Variants in CDK14 observed in about 807,000 individuals in gnomAD.
The protein encoded by CDK14 is cyclin-dependent kinase 14.
Under a neutral mutation model 60.7 loss-of-function variants are expected in CDK14, and 34 were observed. The ratio of observed to expected loss-of-function variants is 0.56; its 90% confidence interval spans 0.43 to 0.75. The LOEUF is 0.75. CDK14 is among the 30% of genes least tolerant of loss of function. CDK14 has a pLI of 0.00. For synonymous variants in CDK14, 197 were observed against 203.7 expected, an observed-to-expected ratio of 0.97 and a Z score of 0.28; for missense variants, 482 against 564.1, an observed-to-expected ratio of 0.85 and a Z score of 1.47.
intron 14 of CDK14, among the ~76,000 whole-genome samples, chr7:91,176,598 T>C (rs1371046031): frequency 6.6e-6 from 1 of 151,812 alleles, no homozygotes; most frequent in Non-Finnish European, 1.5e-5. Flanking sequence ...AAGAATCAAA[T>C]AGACACAATA....
chr7:91,079,895 T>TA, intron 12 of CDK14, among the ~76,000 whole-genome samples: 1 of 152,368 alleles, frequency 6.6e-6, no homozygotes, highest in East Asian at 1.9e-4. Context: ...ATTTTTCCCT[T>TA]ACGCCTTATT....
chr7:91,099,711 G>A (rs1451613280), intron 12 of CDK14, among the ~76,000 whole-genome samples: 1 of 152,124 alleles, frequency 6.6e-6, no homozygotes, highest in Non-Finnish European at 1.5e-5. Context: ...AGTTGGAAAG[G>A]TTGTGAGTTA....
intron 14 of CDK14, among the ~76,000 whole-genome samples, chr7:91,196,600 G>A (rs1374458296): frequency 6.6e-6 from 1 of 152,192 alleles, no homozygotes; most frequent in Non-Finnish European, 1.5e-5. Flanking sequence ...TCTCCTCCAT[G>A]CCACACTGCA....
chr7:90,904,733 G>T (rs1584108121), intron 7 of CDK14, among the ~76,000 whole-genome samples: 1 of 152,118 alleles, frequency 6.6e-6, no homozygotes, highest in Non-Finnish European at 1.5e-5. Flanking sequence ...TTAATGCCTA[G>T]ATCATTTAAA....
chr7:90,754,333 A>G (rs1168568268), intron 4 of CDK14, among the ~76,000 whole-genome samples: 1 of 152,196 alleles, frequency 6.6e-6, no homozygotes, highest in Non-Finnish European at 1.5e-5. Flanking sequence ...CCACACACCT[A>G]CAGCCACCTG....
chr7:90,616,419 T>C (rs1470571097), intron 2 of CDK14, among the ~76,000 whole-genome samples: 1 of 152,204 alleles, frequency 6.6e-6, no homozygotes, highest in African/African-American at 2.4e-5. Flanking sequence ...GCTCTCTTTG[T>C]ATTGTCTTCA....
chr7:90,913,216 A>T (rs1392615772), intron 7 of CDK14, among the ~76,000 whole-genome samples: 2 of 152,212 alleles, frequency 1.3e-5, no homozygotes, highest in Non-Finnish European at 2.9e-5. Context: ...GGACTTGCCT[A>T]TTTGTCTAGA....
chr7:90,721,398 C>G (rs1434431175), intron 2 of CDK14, among the ~76,000 whole-genome samples: 1 of 152,164 alleles, frequency 6.6e-6, no homozygotes, highest in African/African-American at 2.4e-5. Context: ...ATAATGAACT[C>G]ATGGTCTTTC....
intron 8 of CDK14, among the ~76,000 whole-genome samples, chr7:90,944,471 G>T (rs1794039401): frequency 1.3e-5 from 2 of 152,226 alleles, no homozygotes; most frequent in Admixed American, 1.3e-4. Context: ...AGTGCCCCAC[G>T]CCTGTAATCT....
At chr7:90,635,350 A>G (rs890938242) in intron 2 of CDK14, among the ~76,000 whole-genome samples, 2 of 152,210 alleles carry the variant, frequency 1.3e-5, no homozygotes, top group African/African-American at 2.4e-5. Context: ...CTTTCTACAG[A>G]TGGCTAGCCA....
chr7:90,727,743 C>T (rs902257036), intron 3 of CDK14, among the ~76,000 whole-genome samples: 1 of 152,100 alleles, frequency 6.6e-6, no homozygotes, highest in Non-Finnish European at 1.5e-5. Flanking sequence ...ATCAGATAAT[C>T]TATCAGTTTT....
chr7:90,988,127 T>G lies in CDK14; in HGVS notation c.1041+3886T>G, dbSNP rs375701948. Among the ~76,000 whole-genome samples, 4 of 152,296 alleles carry G rather than the reference T, an allele frequency of 2.6e-5. No homozygotes were observed. The East Asian group carries it at 5.8e-4, about 22-fold the overall frequency. On this transcript the variant is annotated intron_variant, in intron 10 of 14. Coordinates refer to ENST00000380050, the MANE Select transcript of CDK14 (RefSeq NM_001287135.2). Reference sequence around the variant, plus strand: ...TCGGTTAGTAAAAGTCTTTATGTTTTTCTTTCTAAGGTTCTTTTTTCCCTA... The same window carrying G: ...TCGGTTAGTAAAAGTCTTTATGTTTGTCTTTCTAAGGTTCTTTTTTCCCTA...
At chr7:90,797,502 G>T (rs1788481001) in intron 5 of CDK14, among the ~76,000 whole-genome samples, 1 of 151,928 alleles carries the variant, frequency 6.6e-6, no homozygotes, top group Non-Finnish European at 1.5e-5. Flanking sequence ...TTTTTGGGGG[G>T]ACACAGTTCA....
chr7:91,168,984 C>T (rs1257528438), intron 14 of CDK14, among the ~76,000 whole-genome samples: 2 of 152,174 alleles, frequency 1.3e-5, no homozygotes, highest in Admixed American at 6.5e-5. Context: ...CAGTTATTTC[C>T]AAGCACTGAA....
intron 4 of CDK14, among the ~76,000 whole-genome samples, chr7:90,780,004 C>G (rs1805241168): frequency 1.3e-5 from 2 of 152,106 alleles, no homozygotes; most frequent in African/African-American, 4.8e-5. Flanking sequence ...ATTAATTTCT[C>G]CTATAGAGCT....
At chr7:90,741,227 A>G (rs892669425) in intron 3 of CDK14, among the ~76,000 whole-genome samples, 1 of 152,142 alleles carries the variant, frequency 6.6e-6, no homozygotes, top group Non-Finnish European at 1.5e-5. Context: ...TGAAGGTGCC[A>G]CTGTCTAGAG....
chr7:90,999,534 A>C (rs944067381), intron 10 of CDK14, among the ~76,000 whole-genome samples: 8 of 152,070 alleles, frequency 5.3e-5, no homozygotes, highest in African/African-American at 1.9e-4. Context: ...GGTTGCAGTG[A>C]GCCGAGATCA....
chr7:90,990,500 T>G (rs1051722704), intron 10 of CDK14, among the ~76,000 whole-genome samples: 3 of 152,188 alleles, frequency 2.0e-5, no homozygotes, highest in African/African-American at 7.2e-5. Flanking sequence ...TCCTTCAAGC[T>G]TCATCTATAG....
At chr7:90,733,145 T>A (rs79394638) in intron 3 of CDK14, among the ~76,000 whole-genome samples, 2 of 152,174 alleles carry the variant, frequency 1.3e-5, no homozygotes, top group East Asian at 3.9e-4. Context: ...TGTACTTATG[T>A]GGTTTTGAGT....
Sources: gnomAD v4.1 joint callset for allele counts (sites outside exome capture counted in the v4.1 genomes callset) on GRCh38, gnomAD v4.1.1 for gene constraint, MANE v1.5 for transcripts, NCBI Gene and HGNC (gene_info 2026-07-23, HGNC 2026-07-21) for gene names.